CDC42BPG: variants seen among roughly 807,000 people sequenced by gnomAD.
The protein encoded by CDC42BPG is serine/threonine-protein kinase MRCK gamma.
In CDC42BPG, 157 loss-of-function variants were observed where a neutral mutation model predicts 192.2. The ratio of observed to expected loss-of-function variants is 0.82; its 90% CI spans 0.72 to 0.93. The LOEUF (loss-of-function observed/expected upper bound fraction) is 0.93. Among genes scored for constraint, CDC42BPG ranks in the 40% least tolerant of loss-of-function variants. CDC42BPG has a pLI of 0.00. For synonymous variants in CDC42BPG, 981 were observed against 918.5 expected (o/e 1.07, Z -1.23); for missense variants, 1,992 against 2,122.1 (o/e 0.94, Z 1.20).
rs1942935461 is a variant in CDC42BPG, at chr11:64,835,422, G to T, written c.1881-3C>A. Reference sequence around the variant, plus strand: ...GAGCCTCCTCCTTACCACTCGGCCTGGGGAGGAGAAGGCCAAGGCCGTGAC... The same window carrying T: ...GAGCCTCCTCCTTACCACTCGGCCTTGGGAGGAGAAGGCCAAGGCCGTGAC... On this transcript the variant is annotated splice_region_variant and splice_polypyrimidine_tract_variant and intron_variant, in intron 15 of 36. Coordinates refer to ENST00000342711, the MANE Select transcript of CDC42BPG (RefSeq NM_017525.3). 1 of 1,613,384 alleles carries T rather than the reference G, an allele frequency of 6.2e-7. No homozygotes were observed. The highest frequency in any genetic ancestry group is 8.5e-7 in the Non-Finnish European group (1 of 1,179,984).
intron 30 of CDC42BPG, among the ~76,000 whole-genome samples, chr11:64,828,148 G>A (rs1362492019): frequency 2.0e-5 from 3 of 152,158 alleles, no homozygotes; most frequent in African/African-American, 4.8e-5. Context: ...GGCAGCTTGG[G>A]TGATATGCGG....
Position 64,835,122 on chromosome 11 carries a change from C to T in CDC42BPG, c.1985G>A (p.Ser662Asn), listed in dbSNP as rs908845529. ...CCGCTCACCCTCCAGCCGCTGCTTG[C>T]TCTCCTGCTCCTGGGCCAGCTCTGC... ...LEAELAQEQE[S>N]KQRLEGERRE... Residue 662 changes from serine (S) to asparagine (N), a missense_variant, in exon 17 of 37, where the codon AGC becomes AAC. This residue lies in a region of CDC42BPG where 1,656 missense variants were observed against 1,844.3 expected (regional missense o/e 0.90). Transcript: ENST00000342711. 14 of 1,595,314 alleles carry T rather than the reference C, an allele frequency of 8.8e-6. No homozygotes were observed. The highest frequency in any genetic ancestry group is 1.2e-5 in the Non-Finnish European group (14 of 1,175,860).
intron 15 of CDC42BPG, 31 bp downstream of exon 15, chr11:64,835,469 G>T: frequency 6.2e-7 from 1 of 1,608,674 alleles, no homozygotes; most frequent in Non-Finnish European, 8.5e-7. Context: ...GCCAGGCCCG[G>T]CCCCTCCCTG....
chr11:64,836,711 G>GGT, intron 11 of CDC42BPG, 28 bp downstream of exon 11: 11 of 608,674 alleles, frequency 1.8e-5, no homozygotes, highest in East Asian at 3.9e-5. Flanking sequence ...AGCCCTGGGG[G>GGT]GGGGGGGGGG....
chr11:64,837,663 T>C (rs985836194), intron 9 of CDC42BPG, among the ~76,000 whole-genome samples: 8 of 152,198 alleles, frequency 5.3e-5, no homozygotes, highest in East Asian at 1.9e-4. Context: ...GGTTTCACTA[T>C]GTTGGCCAGG....
At chr11:64,839,970 G>A (rs1943206376) in intron 5 of CDC42BPG, 150 bp downstream of exon 5, 2 of 794,354 alleles carry the variant, frequency 2.5e-6, no homozygotes, top group Non-Finnish European at 4.0e-6. Flanking sequence ...GGGCTCTTTG[G>A]TATGATTCCA....
At chr11:64,826,608 T>C (rs975191908) in intron 35 of CDC42BPG, 53 bp from the exon 36 acceptor site, 1 of 1,573,272 alleles carries the variant, frequency 6.4e-7, no homozygotes, top group Non-Finnish European at 8.7e-7. Flanking sequence ...ATTTCAGGGA[T>C]CCAAAGGGGG....
At position 64,832,931 on chromosome 11, in the gene CDC42BPG, A is replaced by G. The variant is rs1194922656; in HGVS notation, c.2760T>C (p.Cys920=). 4 of 1,541,676 alleles carry G rather than the reference A, an allele frequency of 2.6e-6. No homozygotes were observed. The highest frequency in any genetic ancestry group is 3.5e-6 in the Non-Finnish European group (4 of 1,143,588). Residue 920 remains cysteine, a synonymous_variant, in exon 25 of 37, where the codon TGT becomes TGC. Coordinates refer to ENST00000342711, the MANE Select transcript of CDC42BPG (RefSeq NM_017525.3). ...DACGYFCHTT[C]APQAPPCPVP... is the part of the protein sequence containing the mutation. The stretch of plus-strand genomic sequence containing the variant: ...CGGGGCAGGGTGGGGCCTGTGGGGC[A>G]CAGGTTGTGTGACAAAAGTAGCCGC...
At chr11:64,833,476 C>T (rs953648546) in intron 23 of CDC42BPG, 124 bp downstream of exon 23, 9 of 1,044,208 alleles carry the variant, frequency 8.6e-6, no homozygotes, top group East Asian at 2.6e-5. Flanking sequence ...GCAAGCTCAT[C>T]GCCACCACCT....
rs76592560 is a variant in CDC42BPG, at chr11:64,838,148, C to T, written c.1140G>A (p.Pro380=). 1.5e-5 allele frequency: 24 copies of T among 1,553,144 alleles called. No individual in the cohort carries two copies. The highest frequency in any genetic ancestry group is 1.1e-4 in the South Asian group (9 of 84,208). Residue 380 remains proline, a synonymous_variant, in exon 9 of 37, where the codon CCG becomes CCA. Transcript: ENST00000342711. ...DTLNHPGTLP[P]PSHGAFSGHH... The stretch of plus-strand genomic sequence containing the variant: ...GGCCGGAGAAGGCCCCGTGGGAGGG[C>T]GGTGGCAGGGTCCCCTGCAGAGGGA...
Position 64,835,438 on chromosome 11 carries a change from A to G in CDC42BPG, c.1881-19T>C. Reference sequence around the variant, plus strand: ...ACTCGGCCTGGGGAGGAGAAGGCCAAGGCCGTGACTCACCGCCCAGGCCAG... The same window carrying G: ...ACTCGGCCTGGGGAGGAGAAGGCCAGGGCCGTGACTCACCGCCCAGGCCAG... On this transcript the variant is annotated intron_variant, in intron 15 of 36. Coordinates refer to ENST00000342711, the MANE Select transcript of CDC42BPG (RefSeq NM_017525.3). 1 of 1,613,052 alleles carries G rather than the reference A, an allele frequency of 6.2e-7. No individual in the cohort carries two copies. Among genetic ancestry groups the G allele is most frequent in the Non-Finnish European group, 8.5e-7 (1 of 1,179,972 alleles).
chr11:64,835,667 G>GGTCTGTGA (rs755881929), intron 14 of CDC42BPG, 46 bp from the exon 15 acceptor site: 72 of 1,585,246 alleles, frequency 4.5e-5, no homozygotes, highest in East Asian at 4.5e-4. Flanking sequence ...AGATGCCATG[G>GGTCTGTGA]CCCACCCACC....
In CDC42BPG at chr11:64,823,236, G is replaced by A. The variant is rs1372852796; in HGVS notation, c.*1237C>T. 3.3e-5 allele frequency among the ~76,000 whole-genome samples: 5 copies of A among 151,930 alleles called. No individual in the cohort carries two copies. Among genetic ancestry groups the A allele is most frequent in the South Asian group, 2.1e-4 (1 of 4,818 alleles). ...CGAGTAGCAGGGACTACAGGCACCC[G>A]TCACCACGCCCGGCTAATTTTTTGT... is the stretch of plus-strand genomic sequence containing the variant. On this transcript the variant is annotated 3_prime_UTR_variant, in exon 37 of 37. Coordinates refer to ENST00000342711, the MANE Select transcript of CDC42BPG (RefSeq NM_017525.3).
Position 64,838,139 on chromosome 11 carries a change from G to A in CDC42BPG, c.1149C>T (p.His383=), listed in dbSNP as rs1312309295. Residue 383 remains histidine, a synonymous_variant, in exon 9 of 37, where the codon CAC becomes CAT. Coordinates refer to ENST00000342711, the MANE Select transcript of CDC42BPG (RefSeq NM_017525.3). ...GCAGGTGATGGCCGGAGAAGGCCCC[G>A]TGGGAGGGCGGTGGCAGGGTCCCCT... ...NHPGTLPPPS[H]GAFSGHHLPF... is the part of the protein sequence containing the mutation. 15 of 1,553,630 alleles carry A rather than the reference G, an allele frequency of 9.7e-6. No individual in the cohort carries two copies. The highest frequency in any genetic ancestry group is 4.8e-5 in the East Asian group (2 of 41,368).
At position 64,838,070 on chromosome 11, in the gene CDC42BPG, G is replaced by A; in HGVS notation, c.1205+13C>T. On this transcript the variant is annotated intron_variant, in intron 9 of 36. Coordinates refer to ENST00000342711, the MANE Select transcript of CDC42BPG (RefSeq NM_017525.3). ...CCCGAGCCTCCCACCAGGTGTGTGA[G>A]GACTAGCCTCACCTGCCTGAGGTGT... is the stretch of plus-strand genomic sequence containing the variant. 6.5e-7 allele frequency: 1 copy of A among 1,549,174 alleles called. No individual in the cohort carries two copies. Among genetic ancestry groups the A allele is most frequent in the East Asian group, 2.4e-5 (1 of 40,946 alleles).
Position 64,826,527 on chromosome 11 carries a change from G to A in CDC42BPG, c.4542C>T (p.Ser1514=), listed in dbSNP as rs776945735. 39 of 1,604,368 alleles carry A rather than the reference G, an allele frequency of 2.4e-5. No individual in the cohort carries two copies. The highest frequency in any genetic ancestry group is 3.2e-5 in the Non-Finnish European group (38 of 1,176,094). ...PMKRKPWTSL[S]SESVSCPQGS... ...CCTGGGGGCAGGACACAGACTCGCT[G>A]GACAGGGATGTCCAGGGTTTCCTCT... The change falls in exon 36 of 37, where the codon TCC becomes TCT. Residue 1514 remains serine (S), a synonymous_variant. Transcript: ENST00000342711.
chr11:64,836,749 G>T lies in CDC42BPG; in HGVS notation c.1374C>A (p.Asp458Glu). 1.4e-6 allele frequency: 2 copies of T among 1,388,030 alleles called. No homozygotes were observed. Among genetic ancestry groups the T allele is most frequent in the Non-Finnish European group, 2.0e-6 (2 of 1,021,896 alleles). The allele number at this position is 1,388,030 out of a possible 1,614,324, so 86.0% of individuals were successfully genotyped here. The stretch of plus-strand genomic sequence containing the variant: ...GGGCGGAAGGGATACCTGGCAGCCT[G>T]TCCCGCAGAGTCTGCACTTCCTTCC... The part of the protein sequence containing the change: ...QLRKEVQTLR[D>E]RLPEMLRDKA... The change falls in exon 11 of 37, where the codon GAC becomes GAA. Residue 458 changes from aspartate to glutamate, a missense_variant. Coordinates refer to ENST00000342711, the MANE Select transcript of CDC42BPG (RefSeq NM_017525.3).
intron 23 of CDC42BPG, 88 bp downstream of exon 23, chr11:64,833,512 C>T (rs536781316): frequency 3.8e-5 from 49 of 1,287,552 alleles, no homozygotes; most frequent in Admixed American, 2.7e-4. Context: ...CTGCTAGCCA[C>T]GATGCACGTG....
chr11:64,823,831 T>A lies in CDC42BPG; in HGVS notation c.*642A>T, dbSNP rs935987028. ...TCCCTCTCTCCTCCATCCCTCTTTTTGTCTCCCTCCTCTTCTTCATCGCTC... is the reference window on the plus strand; with the variant it reads ...TCCCTCTCTCCTCCATCCCTCTTTTAGTCTCCCTCCTCTTCTTCATCGCTC... On this transcript the variant is annotated 3_prime_UTR_variant, in exon 37 of 37. Transcript: ENST00000342711. 6.5e-6 allele frequency: 1 copy of A among 154,808 alleles called. No homozygotes were observed. Among genetic ancestry groups the A allele is most frequent in the Non-Finnish European group, 1.4e-5 (1 of 69,632 alleles). The allele number at this position is 154,808 out of a possible 1,614,324, so 9.6% of individuals were successfully genotyped here.
Sources: allele counts gnomAD v4.1 joint callset (sites outside exome capture counted in the v4.1 genomes callset), GRCh38; gene constraint gnomAD v4.1.1; regional missense constraint gnomAD v4.1.1; transcripts MANE v1.5; gene names NCBI Gene and HGNC (gene_info 2026-07-23, HGNC 2026-07-21).